SLC24A3: variants seen among roughly 807,000 people sequenced by gnomAD.
The protein encoded by SLC24A3 is sodium/potassium/calcium exchanger 3.
In SLC24A3, 28 loss-of-function variants were observed where a neutral mutation model predicts 75.8. The observed-to-expected ratio is 0.37, with a 90% CI of 0.27 to 0.51. The LOEUF (loss-of-function observed/expected upper bound fraction) is 0.51, where lower values mean the gene tolerates loss of function less well. SLC24A3 is among the 20% of genes least tolerant of loss of function. SLC24A3 has a pLI of 0.94. For missense variants in SLC24A3, 663 were observed against 847.8 expected (o/e 0.78, Z 2.71); for synonymous variants, 372 against 334.1 (o/e 1.11, Z -1.24).
At chr20:19,228,943 C>G (rs1468661083) in intron 1 of SLC24A3, among the ~76,000 whole-genome samples, 1 of 152,068 alleles carries the variant, frequency 6.6e-6, no homozygotes, top group Non-Finnish European at 1.5e-5. Flanking sequence ...TTCTATGTTC[C>G]TCTATGTTCT....
intron 3 of SLC24A3, among the ~76,000 whole-genome samples, chr20:19,529,807 A>G (rs954307630): frequency 6.6e-6 from 1 of 152,144 alleles, no homozygotes; most frequent in South Asian, 2.1e-4. Context: ...AGTTTGTTAT[A>G]CATGTCCCAG....
chr20:19,469,584 A>T (rs760588788), intron 2 of SLC24A3, among the ~76,000 whole-genome samples: 1 of 152,156 alleles, frequency 6.6e-6, no homozygotes, highest in Non-Finnish European at 1.5e-5. Flanking sequence ...CATCCAGTAG[A>T]CATCAGTGAC....
intron 2 of SLC24A3, among the ~76,000 whole-genome samples, chr20:19,425,157 G>A (rs1284859839): frequency 6.6e-6 from 1 of 152,104 alleles, no homozygotes; most frequent in Non-Finnish European, 1.5e-5. Context: ...ACAAAAATTA[G>A]CTGGGCATGG....
intron 2 of SLC24A3, among the ~76,000 whole-genome samples, chr20:19,411,368 G>A (rs961556221): frequency 6.6e-6 from 1 of 152,190 alleles, no homozygotes; most frequent in African/African-American, 2.4e-5. Flanking sequence ...TCTAACACAA[G>A]TCTTCAGAAC....
intron 2 of SLC24A3, among the ~76,000 whole-genome samples, chr20:19,320,852 T>C (rs939339974): frequency 2.2e-4 from 34 of 152,256 alleles, no homozygotes; most frequent in Middle Eastern, 3.4e-3. Context: ...ACAGATGCAA[T>C]TTTTAAGATA....
At chr20:19,371,490 A>G (rs1027245357) in intron 2 of SLC24A3, among the ~76,000 whole-genome samples, 52 of 152,168 alleles carry the variant, frequency 3.4e-4, no homozygotes, top group Non-Finnish European at 1.5e-4. Flanking sequence ...GACTAGGATC[A>G]CACTGCCTGG....
chr20:19,244,282 C>T (rs1055393157), intron 1 of SLC24A3: 1 of 152,144 alleles, frequency 6.6e-6, no homozygotes, highest in African/African-American at 2.4e-5. Flanking sequence ...GCTACAATGC[C>T]GAGAGGCTGC....
In SLC24A3 at chr20:19,374,469, A is replaced by G. The variant is rs183394747; in HGVS notation, c.271+93382A>G. ...GAATGAGCCTCCCCTTTGCTGCTCA[A>G]TTATAAGACATGGGGAGACTAAGCC... is the stretch of plus-strand genomic sequence containing the variant. On this transcript the variant is annotated intron_variant, in intron 2 of 16. Coordinates refer to ENST00000328041, the MANE Select transcript of SLC24A3 (RefSeq NM_020689.4). Among the ~76,000 whole-genome samples the G allele has an allele frequency of 3.3e-5, 5 of 152,328 alleles. No homozygotes were observed. In the East Asian group the frequency reaches 9.6e-4, roughly 29 times the overall value.
At chr20:19,672,129 C>G (rs571130841) in intron 8 of SLC24A3, among the ~76,000 whole-genome samples, 51 of 152,026 alleles carry the variant, frequency 3.4e-4, no homozygotes, top group African/African-American at 1.2e-3. Flanking sequence ...TTCAGGAGAT[C>G]GGGGGGTGTG....
intron 6 of SLC24A3, among the ~76,000 whole-genome samples, chr20:19,598,841 C>T (rs2031485021): frequency 6.6e-6 from 1 of 151,976 alleles, no homozygotes; most frequent in African/African-American, 2.4e-5. Context: ...GTCCCAGCCT[C>T]CCCATAGCAT....
intron 3 of SLC24A3, among the ~76,000 whole-genome samples, chr20:19,572,659 C>G (rs2031071781): frequency 6.6e-6 from 1 of 152,192 alleles, no homozygotes; most frequent in South Asian, 2.1e-4. Flanking sequence ...GAAGGGGCAC[C>G]AGCAGCCTTC....
intron 15 of SLC24A3, among the ~76,000 whole-genome samples, chr20:19,714,912 T>C (rs530926332): frequency 5.1e-4 from 78 of 152,356 alleles, no homozygotes; most frequent in African/African-American, 1.8e-3. Context: ...CTTAAGGGCA[T>C]GAAATCACTT....
intron 8 of SLC24A3, among the ~76,000 whole-genome samples, chr20:19,672,336 T>C (rs1026165379): frequency 6.6e-6 from 1 of 152,092 alleles, no homozygotes; most frequent in Admixed American, 6.5e-5. Context: ...GCATAATTTG[T>C]TTTGGAAGGG....
At chr20:19,681,042 G>C (rs1481928878) in intron 9 of SLC24A3, among the ~76,000 whole-genome samples, 1 of 152,176 alleles carries the variant, frequency 6.6e-6, no homozygotes, top group African/African-American at 2.4e-5. Context: ...GTGCCTGGCT[G>C]TCTTTGCCCG....
intron 6 of SLC24A3, among the ~76,000 whole-genome samples, chr20:19,643,586 A>G (rs1464321013): frequency 1.3e-5 from 2 of 152,206 alleles, no homozygotes; most frequent in Non-Finnish European, 2.9e-5. Flanking sequence ...ACCATGAAAA[A>G]TATCAGCTTC....
chr20:19,296,672 T>A (rs968024214), intron 2 of SLC24A3, among the ~76,000 whole-genome samples: 2 of 152,196 alleles, frequency 1.3e-5, no homozygotes, highest in African/African-American at 4.8e-5. Context: ...TACCCCACTG[T>A]CAATATTAGG....
chr20:19,648,686 A>G (rs1469641974), intron 6 of SLC24A3, among the ~76,000 whole-genome samples: 1 of 152,214 alleles, frequency 6.6e-6, no homozygotes, highest in Non-Finnish European at 1.5e-5. Context: ...TTTATCATAA[A>G]CAATTACTTT....
chr20:19,246,985 T>G (rs909455515), intron 1 of SLC24A3, among the ~76,000 whole-genome samples: 1 of 152,194 alleles, frequency 6.6e-6, no homozygotes, highest in Admixed American at 6.5e-5. Flanking sequence ...TGTCATCCCT[T>G]TTAATCAATA....
At chr20:19,553,798 C>T (rs2030740683) in intron 3 of SLC24A3, among the ~76,000 whole-genome samples, 1 of 152,012 alleles carries the variant, frequency 6.6e-6, no homozygotes, top group Non-Finnish European at 1.5e-5. Context: ...AAAATGTACC[C>T]CAGGGGAAAC....
Sources: allele counts gnomAD v4.1 joint callset (sites outside exome capture counted in the v4.1 genomes callset), GRCh38; gene constraint gnomAD v4.1.1; transcripts MANE v1.5; gene names NCBI Gene and HGNC (gene_info 2026-07-23, HGNC 2026-07-21).